CPAMD8: variants seen among roughly 807,000 people sequenced by gnomAD.
CPAMD8 encodes the protein C3 and PZP-like alpha-2-macroglobulin domain-containing protein 8.
A neutral mutation model predicts 224.7 loss-of-function variants in CPAMD8; 146 were observed. The observed-to-expected ratio is 0.65, with a 90% CI of 0.57 to 0.75. The LOEUF is 0.75. CPAMD8 is among the 30% of genes least tolerant of loss of function. The probability of loss-of-function intolerance (pLI) is 0.00; values close to 1 mark genes in which losing one functional copy is unlikely to be tolerated. For synonymous variants in CPAMD8, 966 were observed against 1,044.6 expected, an observed-to-expected ratio of 0.92 and a Z score of 1.45; for missense variants, 2,301 against 2,537.5, an observed-to-expected ratio of 0.91 and a Z score of 2.00.
intron 18 of CPAMD8, among the ~76,000 whole-genome samples, chr19:16,966,127 C>G: frequency 6.6e-6 from 1 of 152,170 alleles, no homozygotes; most frequent in South Asian, 2.1e-4. Context: ...CAGCATGGTA[C>G]TGGTACCAAA....
chr19:17,014,578 A>T (rs1174117491), intron 3 of CPAMD8, among the ~76,000 whole-genome samples: 1 of 152,190 alleles, frequency 6.6e-6, no homozygotes, highest in South Asian at 2.1e-4. Flanking sequence ...TCTCACAATC[A>T]TGGCGAAAGG....
At position 16,955,388 on chromosome 19, in the gene CPAMD8, C is replaced by T. The variant is rs1351672140; in HGVS notation, c.2276+2465G>A. 3.3e-5 allele frequency among the ~76,000 whole-genome samples: 5 copies of T among 151,956 alleles called. No individual in the cohort carries two copies. The East Asian group carries it at 7.7e-4, about 24-fold the overall frequency. On this transcript the variant is annotated intron_variant, in intron 19 of 41. Transcript: ENST00000443236. ...ATGTTGAAATAAGCCAGTCACAAAACGACAAATACTACATGATTCCACTTA... is the reference window on the plus strand; with the variant it reads ...ATGTTGAAATAAGCCAGTCACAAAATGACAAATACTACATGATTCCACTTA...
At chr19:16,972,240 T>TG (rs141976334) in intron 17 of CPAMD8, among the ~76,000 whole-genome samples, 7,593 of 152,132 alleles carry the variant, frequency 0.05, 631 homozygotes, top group African/African-American at 0.17. Flanking sequence ...CATAGCTCAC[T>TG]GCAGCCTCAA....
At chr19:17,002,111 C>G (rs3745344) in intron 9 of CPAMD8, among the ~76,000 whole-genome samples, 155 bp downstream of exon 9, 2 of 147,180 alleles carry the variant, frequency 1.4e-5, no homozygotes, top group African/African-American at 5.0e-5. Context: ...AGGGGAGGGG[C>G]ACACCCCAGG....
At chr19:17,009,435 C>T (rs559290808) in intron 5 of CPAMD8, 115 bp from the exon 6 acceptor site, 2 of 1,557,786 alleles carry the variant, frequency 1.3e-6, no homozygotes, top group South Asian at 2.3e-5. Context: ...ATGGGTTAAA[C>T]AGTGTCCCCC....
At chr19:16,979,783 G>C (rs1339478976) in intron 14 of CPAMD8, among the ~76,000 whole-genome samples, 1 of 151,790 alleles carries the variant, frequency 6.6e-6, no homozygotes, top group Non-Finnish European at 1.5e-5. Context: ...ATAGTGCCAA[G>C]GTTGAGAAAC....
At chr19:16,947,361 G>A in intron 20 of CPAMD8, 134 bp from the exon 21 acceptor site, 1 of 1,135,512 alleles carries the variant, frequency 8.8e-7, no homozygotes, top group Admixed American at 2.4e-5. Flanking sequence ...GCTCCCCCCG[G>A]GAAGGTCCCC....
Position 16,897,924 on chromosome 19 carries a change from G to C in CPAMD8, c.4919C>G (p.Ala1640Gly), listed in dbSNP as rs2052092385. The change falls in exon 38 of 42, where the codon GCG becomes GGG. Residue 1640 changes from alanine (A) to glycine (G), a missense_variant. This residue lies in a region of CPAMD8 where 1,709 missense variants were observed against 1,753.2 expected (regional missense o/e 0.97). Transcript: ENST00000443236. ...GTAGTCGTACACGGAGACTGGCAGC[G>C]CCGACGTCCTGCCCACCACGCACTC... ...LRECVVGRTS[A>G]LPVSVYDYYE... is the part of the protein sequence containing the mutation. 5 of 1,610,406 alleles carry C rather than the reference G, an allele frequency of 3.1e-6. No homozygotes were observed. The highest frequency in any genetic ancestry group is 4.2e-6 in the Non-Finnish European group (5 of 1,179,206).
At chr19:17,005,279 C>T (rs1433002175) in intron 7 of CPAMD8, among the ~76,000 whole-genome samples, 1 of 152,182 alleles carries the variant, frequency 6.6e-6, no homozygotes, top group Non-Finnish European at 1.5e-5. Context: ...GGCCTCCACT[C>T]ACCAGATGCC....
chr19:16,978,514 G>A (rs925132703), intron 14 of CPAMD8, among the ~76,000 whole-genome samples: 9 of 152,154 alleles, frequency 5.9e-5, no homozygotes, highest in African/African-American at 2.2e-4. Flanking sequence ...CCCAAAGCAG[G>A]ACTCTGGCCA....
intron 13 of CPAMD8, among the ~76,000 whole-genome samples, chr19:16,984,919 A>G (rs1372915493): frequency 6.6e-6 from 1 of 152,240 alleles, no homozygotes; most frequent in Non-Finnish European, 1.5e-5. Context: ...GTAGTCACAC[A>G]TGTGTGATAC....
chr19:16,944,212 C>G (rs1429742308), intron 22 of CPAMD8, among the ~76,000 whole-genome samples: 1 of 152,212 alleles, frequency 6.6e-6, no homozygotes, highest in Non-Finnish European at 1.5e-5. Flanking sequence ...GTAGGAGGAG[C>G]ATTTTGCTGC....
chr19:17,017,965 G>A (rs753485893), intron 3 of CPAMD8, among the ~76,000 whole-genome samples: 38 of 151,872 alleles, frequency 2.5e-4, no homozygotes, highest in Middle Eastern at 3.4e-3. Context: ...CCCAGGAAGC[G>A]GAGGTTGCAG....
At chr19:16,965,941 C>T (rs1376177874) in intron 18 of CPAMD8, among the ~76,000 whole-genome samples, 1 of 152,098 alleles carries the variant, frequency 6.6e-6, no homozygotes, top group African/African-American at 2.4e-5. Flanking sequence ...AGATTCAATG[C>T]CATCCCCATC....
chr19:16,968,382 G>A (rs1425336460), intron 18 of CPAMD8, among the ~76,000 whole-genome samples: 1 of 152,166 alleles, frequency 6.6e-6, no homozygotes, highest in Non-Finnish European at 1.5e-5. Context: ...AGGGGCACAA[G>A]AAGGTTCCTG....
At chr19:16,932,048 C>T (rs1479957993) in intron 23 of CPAMD8, among the ~76,000 whole-genome samples, 2 of 151,950 alleles carry the variant, frequency 1.3e-5, no homozygotes, top group East Asian at 1.9e-4. Flanking sequence ...AGCAAGGAAA[C>T]GTGACATCAC....
chr19:17,018,859 G>A (rs1340794669), intron 3 of CPAMD8, among the ~76,000 whole-genome samples: 1 of 146,426 alleles, frequency 6.8e-6, no homozygotes, highest in Non-Finnish European at 1.5e-5. Context: ...AGTGAGCTGA[G>A]ATTGTACCAT....
intron 20 of CPAMD8, among the ~76,000 whole-genome samples, chr19:16,949,196 G>A (rs1279315334): frequency 1.3e-5 from 2 of 151,954 alleles, no homozygotes; most frequent in Non-Finnish European, 2.9e-5. Flanking sequence ...TCTCTGTCTT[G>A]GGGATGGTCA....
intron 27 of CPAMD8, 57 bp from the exon 28 acceptor site, chr19:16,914,870 T>A: frequency 3.0e-6 from 4 of 1,331,992 alleles, no homozygotes; most frequent in Non-Finnish European, 2.1e-6. Context: ...CCCCACATGC[T>A]GGCTGAGGGA....
Sources: gnomAD v4.1 joint callset for allele counts (sites outside exome capture counted in the v4.1 genomes callset) on GRCh38, gnomAD v4.1.1 for gene constraint, gnomAD v4.1.1 regional missense constraint, MANE v1.5 for transcripts, NCBI Gene and HGNC (gene_info 2026-07-23, HGNC 2026-07-21) for gene names.